The following CTU1 variants were observed in gnomAD, a reference collection of about 807,000 sequenced individuals.
The protein encoded by CTU1 is cytosolic thiouridylase subunit 1.
A neutral mutation model predicts 12.9 loss-of-function variants in CTU1; 15 were observed. The observed-to-expected ratio is 1.16, with a 90% CI of 0.78 to 1.79. CTU1 has a LOEUF of 1.79. CTU1 is among the 40% of genes most tolerant of loss of function. CTU1 has a pLI of 0.00. For synonymous variants in CTU1, 295 were observed against 275.6 expected (o/e 1.07, Z -0.70); for missense variants, 553 against 550.5 (o/e 1.00, Z -0.05).
Position 51,108,338 on chromosome 19 carries a change from A to G in CTU1, c.-22+9T>C, listed in dbSNP as rs1393629304. On this transcript the variant is annotated intron_variant, in intron 1 of 2. Coordinates refer to ENST00000421832, the MANE Select transcript of CTU1 (RefSeq NM_145232.4). The surrounding 1 kb of genome is among the most constrained non-coding windows in gnomAD (Gnocchi z 4.5). ...CACATGCCGACCCACCGCAGGAGGA[A>G]ATACTCACCCGGGCAGAACTCAGTG... 1 of 152,368 alleles carries G rather than the reference A, an allele frequency of 6.6e-6. No individual in the cohort carries two copies. The highest frequency in any genetic ancestry group is 1.5e-5 in the Non-Finnish European group (1 of 68,108). The allele number at this position is 152,368 out of a possible 1,614,324, so 9.4% of individuals were successfully genotyped here.
At chr19:51,105,840 A>G (rs188008511) in intron 1 of CTU1, among the ~76,000 whole-genome samples, 10 of 152,318 alleles carry the variant, frequency 6.6e-5, no homozygotes, top group African/African-American at 2.4e-4. Context: ...AGTGGGTGGC[A>G]CCAAACTGCA....
chr19:51,101,858 C>A (rs1485282657), intron 2 of CTU1, among the ~76,000 whole-genome samples: 1 of 152,210 alleles, frequency 6.6e-6, no homozygotes, highest in Non-Finnish European at 1.5e-5. Context: ...AATTATTATA[C>A]TACGCCTTTG....
At chr19:51,102,240 G>T (rs893302676) in intron 2 of CTU1, among the ~76,000 whole-genome samples, 7 of 152,208 alleles carry the variant, frequency 4.6e-5, no homozygotes, top group African/African-American at 1.7e-4. Flanking sequence ...TTGACCTTGT[G>T]ATTCCGCCTG....
chr19:51,107,896 G>C (rs60598098), intron 1 of CTU1, among the ~76,000 whole-genome samples: 1 of 152,154 alleles, frequency 6.6e-6, no homozygotes, highest in Non-Finnish European at 1.5e-5. Context: ...CTGGTGACAG[G>C]TCTGTCTCTC....
In CTU1 at chr19:51,097,785, A is replaced by C. The variant is rs1023866987; in HGVS notation, c.*816T>G. The C allele has an allele frequency of 6.6e-6, 1 of 152,242 alleles. No individual in the cohort carries two copies. Among genetic ancestry groups the C allele is most frequent in the Non-Finnish European group, 1.5e-5 (1 of 68,098 alleles). 9.4% of individuals were successfully genotyped at this position (152,242 alleles called of 1,614,324 possible). On this transcript the variant is annotated 3_prime_UTR_variant, in exon 3 of 3. Transcript: ENST00000421832. Reference sequence around the variant, plus strand: ...GACAGGCTCACACAACCCTGCCTCCAGAGTCCAAGGTTTGGGGAACGCATC... The same window carrying C: ...GACAGGCTCACACAACCCTGCCTCCCGAGTCCAAGGTTTGGGGAACGCATC...
Position 51,098,002 on chromosome 19 carries a change from T to C in CTU1, c.*599A>G, listed in dbSNP as rs1383889666. ...CAGTGAGACCGTGGTGGAGACGAAA[T>C]GAGGGTGCAGTGCGTGCTACACACG... On this transcript the variant is annotated 3_prime_UTR_variant, in exon 3 of 3. Coordinates refer to ENST00000421832, the MANE Select transcript of CTU1 (RefSeq NM_145232.4). The surrounding 1 kb of genome is among the most constrained non-coding windows in gnomAD (Gnocchi z 4.3). 1 of 152,074 alleles carries C rather than the reference T, an allele frequency of 6.6e-6. No individual in the cohort carries two copies. Among genetic ancestry groups the C allele is most frequent in the East Asian group, 1.9e-4 (1 of 5,176 alleles). 9.4% of individuals were successfully genotyped at this position (152,074 alleles called of 1,614,324 possible). A position where few individuals can be genotyped will look rare whatever the true frequency, so the allele number is the denominator to read the frequency against.
chr19:51,098,813 C>T lies in CTU1; in HGVS notation c.835G>A (p.Ala279Thr), dbSNP rs2091898642. 1 of 1,057,042 alleles carries T rather than the reference C, an allele frequency of 9.5e-7. No homozygotes were observed. Among genetic ancestry groups the T allele is most frequent in the Non-Finnish European group, 1.1e-6 (1 of 876,610 alleles). The allele number at this position is 1,057,042 out of a possible 1,614,324, so 65.5% of individuals were successfully genotyped here. ...SAERLALAPA[A>T]RPPRPGACSR... The stretch of plus-strand genomic sequence containing the variant: ...CAGGCGCCGGGGCGCGGGGGCCGCG[C>T]GGCCGGGGCCAGCGCCAGGCGCTCG... Residue 279 changes from alanine (A) to threonine (T), a missense_variant, in exon 3 of 3, where the codon GCG (alanine) becomes ACG (threonine). Physicochemically the swap from Ala to Thr is moderately conservative, Grantham distance 58. Around this residue, in one of 2 missense-constraint regions of CTU1, gnomAD observed 500 missense variants for 458.5 expected, o/e 1.09. Coordinates refer to ENST00000421832, the MANE Select transcript of CTU1 (RefSeq NM_145232.4). The surrounding 1 kb of genome is among the most constrained non-coding windows in gnomAD (Gnocchi z 4.3).
At position 51,098,945 on chromosome 19, in the gene CTU1, CGGA is replaced by C. The variant is rs753809792; in HGVS notation, c.700_702del (p.Ser234del). On this transcript the variant is annotated inframe_deletion, in exon 3 of 3. Coordinates refer to ENST00000421832, the MANE Select transcript of CTU1 (RefSeq NM_145232.4). This position sits in a 1 kb window ranked among gnomAD's most constrained non-coding sequence, Gnocchi z 4.3. ...GCCTCGGGCGCGTAGACGCACTCCT[CGGA>C]GAAGTAGTCGAGGCGGCGGAAGTGC... 1.9e-6 allele frequency: 3 copies of C among 1,542,680 alleles called. No individual in the cohort carries two copies. The highest frequency in any genetic ancestry group is 2.6e-6 in the Non-Finnish European group (3 of 1,150,184).
At position 51,104,259 on chromosome 19, in the gene CTU1, C is replaced by T; in HGVS notation, c.311G>A (p.Arg104His). 1.3e-6 allele frequency: 2 copies of T among 1,507,608 alleles called. No homozygotes were observed. Among genetic ancestry groups the T allele is most frequent in the Non-Finnish European group, 1.8e-6 (2 of 1,133,690 alleles). The allele number at this position is 1,507,608 out of a possible 1,614,324, so 93.4% of individuals were successfully genotyped here. A position where few individuals can be genotyped will look rare whatever the true frequency, so the allele number is the denominator to read the frequency against. ...CGGCAGCTCCCAGCGCGCCGCCTGG[C>T]GCCGCACGGCCGCCAACGCCGCGTC... ...YRDAALAAVRRQAARWELPLT... is the reference protein window; with the variant it reads ...YRDAALAAVRHQAARWELPLT... Residue 104 changes from arginine to histidine, a missense_variant, in exon 2 of 3, where the codon CGC becomes CAC. Arg to His is a conservative substitution (Grantham distance 29). Coordinates refer to ENST00000421832, the MANE Select transcript of CTU1 (RefSeq NM_145232.4).
chr19:51,106,829 T>A (rs1171540546), intron 1 of CTU1, among the ~76,000 whole-genome samples: 2 of 152,202 alleles, frequency 1.3e-5, no homozygotes, highest in Non-Finnish European at 2.9e-5. Context: ...CTTTCCATTC[T>A]TATGAGCGCC....
At chr19:51,103,200 G>A (rs2091911265) in intron 2 of CTU1, among the ~76,000 whole-genome samples, 1 of 152,134 alleles carries the variant, frequency 6.6e-6, no homozygotes, top group South Asian at 2.1e-4. Context: ...CCTGTTTTAG[G>A]GATGGGGTGA....
At chr19:51,099,239 G>T (rs1171004150) in intron 2 of CTU1, 100 bp from the exon 3 acceptor site, 3 of 1,114,592 alleles carry the variant, frequency 2.7e-6, no homozygotes, top group East Asian at 6.1e-5. Flanking sequence ...CCCAGAGAGA[G>T]ACTGGGAGGA....
Position 51,098,648 on chromosome 19 carries a change from C to T in CTU1, c.1000G>A (p.Gly334Arg), listed in dbSNP as rs1261472819. ...LDEEATPGTP[G>R]DPARPPASKA... The stretch of plus-strand genomic sequence containing the variant: ...GAGGCGGGGGGCCGGGCCGGATCCC[C>T]GGGCGTCCCCGGCGTCGCCTCCTCG... Residue 334 changes from glycine to arginine, a missense_variant, in exon 3 of 3, where the codon GGG becomes AGG. By Grantham distance (125) the Gly-to-Arg change is moderately radical. This residue lies in a region of CTU1 where 53 missense variants were observed against 92.0 expected (regional missense o/e 0.58). Transcript: ENST00000421832. This position sits in a 1 kb window ranked among gnomAD's most constrained non-coding sequence, Gnocchi z 4.3. 2.3e-6 allele frequency: 3 copies of T among 1,309,988 alleles called. No individual in the cohort carries two copies. The highest frequency in any genetic ancestry group is 2.0e-4 in the Middle Eastern group (1 of 4,886). The allele number at this position is 1,309,988 out of a possible 1,614,324, so 81.1% of individuals were successfully genotyped here. A position where few individuals can be genotyped will look rare whatever the true frequency, so the allele number is the denominator to read the frequency against.
At chr19:51,099,813 T>C (rs1013425178) in intron 2 of CTU1, among the ~76,000 whole-genome samples, 2 of 152,112 alleles carry the variant, frequency 1.3e-5, no homozygotes, top group African/African-American at 2.4e-5. Flanking sequence ...CCTGTTAATA[T>C]GTTTGGTTGT....
In CTU1 at chr19:51,098,599, C is replaced by T; in HGVS notation, c.*2G>A. On this transcript the variant is annotated 3_prime_UTR_variant, in exon 3 of 3. Transcript: ENST00000421832. This position sits in a 1 kb window ranked among gnomAD's most constrained non-coding sequence, Gnocchi z 4.3. ...CAGATCCCGGCGGGAGGCCCGAAGTCGCTAGAAGGTGGGGACGGCCTTGGA... is the reference window on the plus strand; with the variant it reads ...CAGATCCCGGCGGGAGGCCCGAAGTTGCTAGAAGGTGGGGACGGCCTTGGA... The T allele has an allele frequency of 7.8e-7, 1 of 1,286,640 alleles. No individual in the cohort carries two copies. Among genetic ancestry groups the T allele is most frequent in the East Asian group, 3.2e-5 (1 of 31,582 alleles). The allele number at this position is 1,286,640 out of a possible 1,614,324, so 79.7% of individuals were successfully genotyped here.
intron 2 of CTU1, among the ~76,000 whole-genome samples, chr19:51,100,858 G>A (rs747979514): frequency 1.3e-5 from 2 of 151,182 alleles, no homozygotes; most frequent in Non-Finnish European, 2.9e-5. Context: ...AAAACAACTG[G>A]TTCTTGACAC....
chr19:51,103,584 C>CAAAA (rs746986273), intron 2 of CTU1, among the ~76,000 whole-genome samples: 2 of 96,264 alleles, frequency 2.1e-5, no homozygotes, highest in East Asian at 3.1e-4. Flanking sequence ...GACTCTGTCT[C>CAAAA]AAAAAAAAAA....
In CTU1 at chr19:51,097,697, G is replaced by C. The variant is rs2091893594; in HGVS notation, c.*904C>G. 1 of 150,168 alleles carries C rather than the reference G, an allele frequency of 6.7e-6. No individual in the cohort carries two copies. The highest frequency in any genetic ancestry group is 1.5e-5 in the Non-Finnish European group (1 of 67,506). 9.3% of individuals were successfully genotyped at this position (150,168 alleles called of 1,614,324 possible). Reference sequence around the variant, plus strand: ...TTGATGCGGGGGGGATGGGGGGGCGGGGGGGAAGGGGGCTGATTATATTTT... The same window carrying C: ...TTGATGCGGGGGGGATGGGGGGGCGCGGGGGAAGGGGGCTGATTATATTTT... On this transcript the variant is annotated 3_prime_UTR_variant, in exon 3 of 3. Transcript: ENST00000421832.
Position 51,104,309 on chromosome 19 carries a change from G to A in CTU1, c.261C>T (p.Val87=). ...RLGISLQLVA[V]DEGIGGYRDA... Reference sequence around the variant, plus strand: ...CCCGGTAGCCACCGATGCCCTCATCGACGGCCACGAGCTGCAGTGAGATGC... The same window carrying A: ...CCCGGTAGCCACCGATGCCCTCATCAACGGCCACGAGCTGCAGTGAGATGC... Residue 87 remains valine (V), a synonymous_variant, in exon 2 of 3, where the codon GTC becomes GTT. Coordinates refer to ENST00000421832, the MANE Select transcript of CTU1 (RefSeq NM_145232.4). 1 of 1,492,326 alleles carries A rather than the reference G, an allele frequency of 6.7e-7. No homozygotes were observed. The highest frequency in any genetic ancestry group is 8.9e-7 in the Non-Finnish European group (1 of 1,125,568). 92.4% of individuals were successfully genotyped at this position (1,492,326 alleles called of 1,614,324 possible).
Sources: gnomAD v4.1 joint callset for allele counts (sites outside exome capture counted in the v4.1 genomes callset) on GRCh38, gnomAD v4.1.1 for gene constraint, gnomAD v4.1.1 regional missense constraint, Gnocchi (gnomAD v3.1) non-coding constraint, MANE v1.5 for transcripts, NCBI Gene and HGNC (gene_info 2026-07-23, HGNC 2026-07-21) for gene names.